GRHL2: variants seen among roughly 807,000 people sequenced by gnomAD.
The protein encoded by GRHL2 is grainyhead like transcription factor 2, also known as grainyhead-like protein 2 homolog.
In GRHL2, 21 loss-of-function variants were observed where a neutral mutation model predicts 83.8. The ratio of observed to expected loss-of-function variants is 0.25; its 90% CI spans 0.18 to 0.36. The LOEUF (loss-of-function observed/expected upper bound fraction) is 0.36, where lower values mean the gene tolerates loss of function less well. Among genes scored for constraint, GRHL2 ranks in the 10% least tolerant of loss-of-function variants. The pLI, the probability that GRHL2 is intolerant of heterozygous loss-of-function variation, is 1.00. For synonymous variants in GRHL2, 280 were observed against 278.9 expected (o/e 1.00, Z -0.04); for missense variants, 623 against 781.8 (o/e 0.80, Z 2.42).
At position 101,539,310 on chromosome 8, in the gene GRHL2, C is replaced by G. The variant is rs138439444; in HGVS notation, c.21-3931C>G. On this transcript the variant is annotated intron_variant, in intron 1 of 15. Transcript: ENST00000646743. ...TCCTTTTCAATGGTGTGATCACTCC[C>G]AATAACATGAAGTCCTTCCTGCAGG... is the stretch of plus-strand genomic sequence containing the variant. Among the ~76,000 whole-genome samples the G allele has an allele frequency of 1.5e-3, 221 of 152,316 alleles. 1 individual carries two copies. The highest frequency in any genetic ancestry group is 5.1e-3 in the African/African-American group (210 of 41,564).
chr8:101,605,523 G>A (rs143605395), intron 8 of GRHL2, among the ~76,000 whole-genome samples: 8 of 152,164 alleles, frequency 5.3e-5, no homozygotes, highest in African/African-American at 1.9e-4. Context: ...ATTTCCTTGA[G>A]CAAAGCCGTT....
At chr8:101,604,763 A>C (rs1812596062) in intron 8 of GRHL2, among the ~76,000 whole-genome samples, 1 of 152,192 alleles carries the variant, frequency 6.6e-6, no homozygotes, top group Non-Finnish European at 1.5e-5. Flanking sequence ...GATTCAGTGA[A>C]AATGTTCACT....
chr8:101,657,571 T>C (rs999942009), intron 14 of GRHL2, among the ~76,000 whole-genome samples: 12 of 152,202 alleles, frequency 7.9e-5, no homozygotes, highest in African/African-American at 2.9e-4. Context: ...CCGGGCGTAG[T>C]GGCTCACGCC....
At chr8:101,617,721 T>A (rs55959830) in intron 8 of GRHL2, among the ~76,000 whole-genome samples, 3 of 152,260 alleles carry the variant, frequency 2.0e-5, no homozygotes, top group African/African-American at 4.8e-5. Context: ...CCCAGGCTGA[T>A]CTCAAACTCC....
intron 1 of GRHL2, among the ~76,000 whole-genome samples, chr8:101,528,014 C>G (rs1810842487): frequency 6.6e-6 from 1 of 152,148 alleles, no homozygotes; most frequent in Non-Finnish European, 1.5e-5. Flanking sequence ...AGAAGTGCCA[C>G]TTTTTCATTA....
At chr8:101,653,801 C>CAGAT (rs1182686391) in intron 14 of GRHL2, among the ~76,000 whole-genome samples, 1 of 151,966 alleles carries the variant, frequency 6.6e-6, no homozygotes, top group East Asian at 1.9e-4. Flanking sequence ...TCTTCAGAAT[C>CAGAT]AGATTCTATA....
intron 1 of GRHL2, among the ~76,000 whole-genome samples, chr8:101,523,100 A>T (rs980899770): frequency 6.6e-6 from 1 of 151,672 alleles, no homozygotes; most frequent in Admixed American, 6.6e-5. Flanking sequence ...TTTCGTAAAG[A>T]TGGGTTTCAC....
At chr8:101,674,871 G>A in the GRHL2 span, among the ~76,000 whole-genome samples, 1 of 151,978 alleles carries the variant, frequency 6.6e-6, no homozygotes, top group African/African-American at 2.4e-5. Flanking sequence ...TGATCAAGTG[G>A]GCTTCATCCC....
intron 1 of GRHL2, among the ~76,000 whole-genome samples, chr8:101,520,748 G>A (rs1227536875): frequency 6.6e-6 from 1 of 152,154 alleles, no homozygotes; most frequent in Non-Finnish European, 1.5e-5. Flanking sequence ...TATCTCTTAA[G>A]TTTCATCAGA....
chr8:101,639,800 G>A (rs986929579), intron 12 of GRHL2, among the ~76,000 whole-genome samples: 4 of 152,220 alleles, frequency 2.6e-5, no homozygotes, highest in Non-Finnish European at 2.9e-5. Context: ...TGCCAGCTTC[G>A]CTGGTATTTG....
intron 14 of GRHL2, among the ~76,000 whole-genome samples, chr8:101,659,919 A>G (rs1353519982): frequency 6.6e-6 from 1 of 152,214 alleles, no homozygotes; most frequent in East Asian, 1.9e-4. Context: ...GGAATTTGAT[A>G]TTCTAAAGAG....
chr8:101,504,520 C>T (rs555635227), intron 1 of GRHL2, among the ~76,000 whole-genome samples: 1 of 152,120 alleles, frequency 6.6e-6, no homozygotes, highest in Non-Finnish European at 1.5e-5. Context: ...CAGACCCCGC[C>T]TGAATGTTCA....
downstream of GRHL2, among the ~76,000 whole-genome samples, chr8:101,670,256 T>G (rs1814183269): frequency 6.6e-6 from 1 of 152,218 alleles, no homozygotes; most frequent in South Asian, 2.1e-4. Flanking sequence ...TGGGTACCAC[T>G]CTGTGGAGCC....
intron 4 of GRHL2, chr8:101,562,494 A>G (rs1386066513): frequency 9.9e-6 from 3 of 303,406 alleles, no homozygotes; most frequent in Non-Finnish European, 1.8e-5. Flanking sequence ...TGCATATTGA[A>G]CCCGTGTGGG....
chr8:101,631,943 T>C (rs538912642), intron 10 of GRHL2, among the ~76,000 whole-genome samples: 1 of 152,310 alleles, frequency 6.6e-6, no homozygotes, highest in Admixed American at 6.5e-5. Flanking sequence ...GACTTTGTAA[T>C]AATGTGGAGA....
intron 4 of GRHL2, chr8:101,562,280 T>C (rs1811622937): frequency 3.3e-6 from 2 of 609,144 alleles, no homozygotes; most frequent in South Asian, 3.2e-5. Context: ...ATTTTTCAAA[T>C]TCAAATGAAT....
At chr8:101,670,194 C>T (rs778039503), downstream of GRHL2, among the ~76,000 whole-genome samples, 2 of 152,192 alleles carry the variant, frequency 1.3e-5, no homozygotes, top group African/African-American at 2.4e-5. Flanking sequence ...TCTGTTGGCT[C>T]GAATGTGAAC....
chr8:101,593,014 T>G (rs1812319196), intron 7 of GRHL2, among the ~76,000 whole-genome samples: 1 of 151,896 alleles, frequency 6.6e-6, no homozygotes, highest in African/African-American at 2.4e-5. Flanking sequence ...TGGTGTGATC[T>G]CGGCTCACTG....
At chr8:101,663,613 A>AT (rs1379589455) in intron 14 of GRHL2, among the ~76,000 whole-genome samples, 2 of 141,172 alleles carry the variant, frequency 1.4e-5, no homozygotes, top group African/African-American at 2.9e-5. Flanking sequence ...TTCCATCTCA[A>AT]AAAATAAATA....
Sources: gnomAD v4.1 joint callset for allele counts (sites outside exome capture counted in the v4.1 genomes callset) on GRCh38, gnomAD v4.1.1 for gene constraint, MANE v1.5 for transcripts, NCBI Gene and HGNC (gene_info 2026-07-23, HGNC 2026-07-21) for gene names.